SEC63: variants seen among roughly 807,000 people sequenced by gnomAD.
SEC63 encodes the protein SEC63 protein translocation regulator.
Under a neutral mutation model 116.2 loss-of-function variants are expected in SEC63, and 56 were observed. The observed-to-expected ratio is 0.48, with a 90% CI of 0.39 to 0.60. SEC63 has a LOEUF of 0.60. Among genes scored for constraint, SEC63 ranks in the 20% least tolerant of loss-of-function variants. SEC63 has a pLI of 0.00. For synonymous variants in SEC63, 273 were observed against 294.6 expected, an observed-to-expected ratio of 0.93 and a Z score of 0.75; for missense variants, 668 against 900.0, an observed-to-expected ratio of 0.74 and a Z score of 3.30.
intron 15 of SEC63, 88 bp from the exon 16 acceptor site, chr6:107,893,743 T>G: frequency 4.4e-6 from 7 of 1,584,294 alleles, no homozygotes; most frequent in Non-Finnish European, 6.1e-6. Context: ...ATAGCTAAAC[T>G]GAATTACTCT....
At chr6:107,939,110 T>C (rs566700328) in intron 1 of SEC63, among the ~76,000 whole-genome samples, 48 of 151,938 alleles carry the variant, frequency 3.2e-4, no homozygotes, top group African/African-American at 1.1e-3. Flanking sequence ...CAGGGAGACC[T>C]TGTCCCTACA....
intron 19 of SEC63, among the ~76,000 whole-genome samples, chr6:107,873,454 G>T (rs1174680438): frequency 1.3e-5 from 2 of 152,136 alleles, no homozygotes; most frequent in African/African-American, 2.4e-5. Flanking sequence ...AATGACATTT[G>T]TATTCTCTGG....
At chr6:107,942,533 AC>A (rs1583775491) in intron 1 of SEC63, among the ~76,000 whole-genome samples, 1 of 152,342 alleles carries the variant, frequency 6.6e-6, no homozygotes. Flanking sequence ...TAGAAAAAAA[AC>A]AAAACAAAAA....
chr6:107,939,481 A>C (rs1357255818), intron 1 of SEC63, among the ~76,000 whole-genome samples: 2 of 152,044 alleles, frequency 1.3e-5, no homozygotes, highest in East Asian at 3.9e-4. Flanking sequence ...CTATCAAAAA[A>C]AGGCTCATGC....
chr6:107,937,835 T>A (rs558137041), intron 1 of SEC63, among the ~76,000 whole-genome samples: 3 of 152,268 alleles, frequency 2.0e-5, no homozygotes, highest in Admixed American at 1.3e-4. Flanking sequence ...AAAAAAAAAA[T>A]TTCTTCTTTT....
chr6:107,956,575 T>C (rs1770716412), intron 1 of SEC63, among the ~76,000 whole-genome samples: 1 of 152,204 alleles, frequency 6.6e-6, no homozygotes, highest in East Asian at 1.9e-4. Context: ...AAAAAAGTAT[T>C]AAGACTAGTA....
intron 1 of SEC63, among the ~76,000 whole-genome samples, chr6:107,939,616 G>A (rs1038207495): frequency 2.8e-4 from 42 of 152,094 alleles, no homozygotes; most frequent in Non-Finnish European, 5.0e-4. Context: ...GACAGGTGTG[G>A]GTGGTGAGCA....
intron 1 of SEC63, among the ~76,000 whole-genome samples, chr6:107,939,752 A>G (rs1340059778): frequency 6.6e-6 from 1 of 152,174 alleles, no homozygotes; most frequent in African/African-American, 2.4e-5. Context: ...AAAAATAGTT[A>G]AAAATAAAAA....
chr6:107,871,524 A>G lies in SEC63; in HGVS notation c.*180T>C. ...TTGAAAGGTTTCAATAAGCCTTAAC[A>G]TTTTTCAGGTTGTACCAAGGCACCG... On this transcript the variant is annotated 3_prime_UTR_variant, in exon 21 of 21. Transcript: ENST00000369002. The G allele has an allele frequency of 1.5e-6, 1 of 669,322 alleles. No individual in the cohort carries two copies. The highest frequency in any genetic ancestry group is 2.7e-6 in the Non-Finnish European group (1 of 373,632). 41.5% of individuals were successfully genotyped at this position (669,322 alleles called of 1,614,324 possible). A position where few individuals can be genotyped will look rare whatever the true frequency, so the allele number is the denominator to read the frequency against.
At chr6:107,878,200 T>G (rs1562312982) in intron 18 of SEC63, among the ~76,000 whole-genome samples, 1 of 152,264 alleles carries the variant, frequency 6.6e-6, no homozygotes, top group African/African-American at 2.4e-5. Flanking sequence ...AATATCTGTT[T>G]TAAAGACACA....
At chr6:107,929,303 A>G (rs1240335651) in intron 2 of SEC63, 112 bp downstream of exon 2, 2 of 657,654 alleles carry the variant, frequency 3.0e-6, no homozygotes, top group African/African-American at 1.8e-5. Flanking sequence ...CTTACTATAG[A>G]TTACAATTTC....
At chr6:107,900,247 G>A (rs1786969438) in intron 13 of SEC63, among the ~76,000 whole-genome samples, 2 of 151,968 alleles carry the variant, frequency 1.3e-5, no homozygotes, top group African/African-American at 4.8e-5. Flanking sequence ...TGATCCCCCT[G>A]CCTTGGCCTC....
At chr6:107,900,084 A>C (rs1370188906) in intron 13 of SEC63, among the ~76,000 whole-genome samples, 1 of 152,194 alleles carries the variant, frequency 6.6e-6, no homozygotes, top group Non-Finnish European at 1.5e-5. Context: ...ACAGCATTCA[A>C]TATTTGCTGT....
rs767683297 is a variant in SEC63 at position 107,906,691 on chromosome 6, T to C, written c.820A>G (p.Ile274Val). ...ATSRPTDNIL[I>V]PQLIREIGSI... Reference sequence around the variant, plus strand: ...TGGGAAATTAGCCTAACCTGTGGTATTAGAATATTATCCGTTGGTCTGCTT... The same window carrying C: ...TGGGAAATTAGCCTAACCTGTGGTACTAGAATATTATCCGTTGGTCTGCTT... Residue 274 changes from isoleucine (I) to valine (V), a missense_variant, in exon 9 of 21, where the codon ATA becomes GTA. Physicochemically the swap from Ile to Val is conservative, Grantham distance 29 (BLOSUM62 3). Around this residue, in one of 5 missense-constraint regions of SEC63, gnomAD observed 430 missense variants for 557.5 expected, o/e 0.77. Coordinates refer to ENST00000369002, the MANE Select transcript of SEC63 (RefSeq NM_007214.5). 2 of 1,613,488 alleles carry C rather than the reference T, an allele frequency of 1.2e-6. No individual in the cohort carries two copies. The highest frequency in any genetic ancestry group is 1.7e-6 in the Non-Finnish European group (2 of 1,179,412).
At chr6:107,936,562 C>T (rs939699603) in intron 1 of SEC63, among the ~76,000 whole-genome samples, 3 of 152,072 alleles carry the variant, frequency 2.0e-5, no homozygotes, top group Admixed American at 6.5e-5. Flanking sequence ...AAGAAATTAT[C>T]CACATTTATA....
rs778126299 is a variant in SEC63, at chr6:107,958,017, C to A, written c.-8G>T. ...GAACTGCTGCCCGGCCATGGCACCC[C>A]CTCCTCCGCCTCGCTCTTCTCACCG... On this transcript the variant is annotated 5_prime_UTR_variant, in exon 1 of 21. Coordinates refer to ENST00000369002, the MANE Select transcript of SEC63 (RefSeq NM_007214.5). 1 of 1,613,032 alleles carries A rather than the reference C, an allele frequency of 6.2e-7. No homozygotes were observed. The highest frequency in any genetic ancestry group is 1.1e-5 in the South Asian group (1 of 91,074).
At chr6:107,899,510 G>A (rs1786947402) in intron 13 of SEC63, among the ~76,000 whole-genome samples, 2 of 152,182 alleles carry the variant, frequency 1.3e-5, no homozygotes, top group Admixed American at 6.5e-5. Flanking sequence ...GAGGCTGGGA[G>A]TTCGAGACCA....
In SEC63 at chr6:107,871,488, C is replaced by A; in HGVS notation, c.*216G>T. On this transcript the variant is annotated 3_prime_UTR_variant, in exon 21 of 21. Transcript: ENST00000369002. The stretch of plus-strand genomic sequence containing the variant: ...ATCATTTGCAGATGAAATAAATGTA[C>A]CATCCCCTACTTGAAAGGTTTCAAT... 3.5e-6 allele frequency: 2 copies of A among 578,116 alleles called. No homozygotes were observed. Among genetic ancestry groups the A allele is most frequent in the South Asian group, 1.9e-5 (1 of 51,830 alleles). 35.8% of individuals were successfully genotyped at this position (578,116 alleles called of 1,614,324 possible).
At chr6:107,883,860 C>A (rs1786467837) in intron 16 of SEC63, among the ~76,000 whole-genome samples, 1 of 151,564 alleles carries the variant, frequency 6.6e-6, no homozygotes, top group Non-Finnish European at 1.5e-5. Flanking sequence ...GAATCACTTT[C>A]TTTAACTAAC....
Sources: gnomAD v4.1 joint callset for allele counts (sites outside exome capture counted in the v4.1 genomes callset) on GRCh38, gnomAD v4.1.1 for gene constraint, gnomAD v4.1.1 regional missense constraint, MANE v1.5 for transcripts, NCBI Gene and HGNC (gene_info 2026-07-23, HGNC 2026-07-21) for gene names.